TRPC4AP: variants seen among roughly 807,000 people sequenced by gnomAD.
TRPC4AP encodes the protein short transient receptor potential channel 4-associated protein.
In TRPC4AP, 45 loss-of-function variants were observed where a neutral mutation model predicts 99.0. The ratio of observed to expected loss-of-function variants is 0.45; its 90% confidence interval spans 0.36 to 0.58. The LOEUF (loss-of-function observed/expected upper bound fraction) is 0.58. Among genes scored for constraint, TRPC4AP ranks in the 20% least tolerant of loss-of-function variants. The pLI is 0.00. For missense variants in TRPC4AP, 879 were observed against 985.3 expected, an observed-to-expected ratio of 0.89 and a Z score of 1.44; for synonymous variants, 408 against 385.8, an observed-to-expected ratio of 1.06 and a Z score of -0.67.
Position 35,030,741 on chromosome 20 carries a change from C to T in TRPC4AP, c.1051+4382G>A, listed in dbSNP as rs572343134. On this transcript the variant is annotated intron_variant, in intron 8 of 18. Transcript: ENST00000252015. Reference sequence around the variant, plus strand: ...GTACAGTTATTGCAAAATATGTTTCCATATGTTATAGGTTCAACAATATAA... The same window carrying T: ...GTACAGTTATTGCAAAATATGTTTCTATATGTTATAGGTTCAACAATATAA... Among the ~76,000 whole-genome samples, 4 of 152,258 alleles carry T rather than the reference C, an allele frequency of 2.6e-5. No individual in the cohort carries two copies. In the East Asian group the frequency reaches 7.7e-4, roughly 29 times the overall value.
At chr20:35,059,859 A>G (rs947911577) in intron 3 of TRPC4AP, among the ~76,000 whole-genome samples, 10 of 145,942 alleles carry the variant, frequency 6.9e-5, no homozygotes, top group Non-Finnish European at 1.5e-4. Context: ...ATGAAGATGA[A>G]GAAAAGATGA....
Position 35,007,653 on chromosome 20 carries a change from T to C in TRPC4AP, c.1596-13A>G. On this transcript the variant is annotated splice_polypyrimidine_tract_variant and intron_variant, in intron 13 of 18. Coordinates refer to ENST00000252015, the MANE Select transcript of TRPC4AP (RefSeq NM_015638.3). ...AGCTTGCCAAAACCTGCGACCCAAA[T>C]ACTGGCTCAGGTGGCTAAGGCTGCC... The C allele has an allele frequency of 6.2e-7, 1 of 1,614,166 alleles. No individual in the cohort carries two copies. The highest frequency in any genetic ancestry group is 8.5e-7 in the Non-Finnish European group (1 of 1,179,980).
intron 2 of TRPC4AP, among the ~76,000 whole-genome samples, chr20:35,076,135 T>C (rs1245800897): frequency 6.6e-6 from 1 of 152,196 alleles, no homozygotes; most frequent in Non-Finnish European, 1.5e-5. Context: ...TTTTCTATGC[T>C]GTTTATTCTA....
intron 4 of TRPC4AP, among the ~76,000 whole-genome samples, chr20:35,055,493 T>C (rs17319032): frequency 0.19 from 28,201 of 152,230 alleles, 2,698 homozygotes; most frequent in Middle Eastern, 0.34. Flanking sequence ...ACTACTAGAA[T>C]CTAAAGTATA....
intron 17 of TRPC4AP, among the ~76,000 whole-genome samples, chr20:35,004,206 C>G (rs964727241): frequency 2.0e-5 from 3 of 152,176 alleles, no homozygotes; most frequent in Non-Finnish European, 4.4e-5. Context: ...GTGTGAGGGA[C>G]GTGGACATGG....
At chr20:35,071,113 T>C (rs952831487) in intron 2 of TRPC4AP, among the ~76,000 whole-genome samples, 2 of 152,202 alleles carry the variant, frequency 1.3e-5, no homozygotes, top group African/African-American at 2.4e-5. Flanking sequence ...ATTCAAAATA[T>C]GAAAATGTCT....
intron 1 of TRPC4AP, among the ~76,000 whole-genome samples, chr20:35,083,589 G>A (rs2084708368): frequency 6.7e-6 from 1 of 148,654 alleles, no homozygotes; most frequent in Admixed American, 6.8e-5. Flanking sequence ...CAATCTGGGA[G>A]ACAGAGCGAG....
intron 1 of TRPC4AP, among the ~76,000 whole-genome samples, chr20:35,087,787 G>A (rs548307701): frequency 6.6e-6 from 1 of 152,280 alleles, no homozygotes; most frequent in South Asian, 2.1e-4. Flanking sequence ...TTATTGCCTT[G>A]ACAGAGGGCA....
intron 9 of TRPC4AP, among the ~76,000 whole-genome samples, chr20:35,020,647 C>A (rs1401167861): frequency 2.0e-5 from 3 of 152,128 alleles, no homozygotes; most frequent in Non-Finnish European, 4.4e-5. Flanking sequence ...GCGCGGTCTG[C>A]AGGAAAAGGC....
At position 35,008,750 on chromosome 20, in the gene TRPC4AP, G is replaced by C; in HGVS notation, c.1512-3C>G. 1 of 1,613,228 alleles carries C rather than the reference G, an allele frequency of 6.2e-7. No individual in the cohort carries two copies. The highest frequency in any genetic ancestry group is 8.5e-7 in the Non-Finnish European group (1 of 1,179,490). ...TCTTCCCATCACACACCAAACTCCT[G>C]AAATAGAAGAGAGATATTGGTGACA... is the stretch of plus-strand genomic sequence containing the variant. On this transcript the variant is annotated splice_region_variant and splice_polypyrimidine_tract_variant and intron_variant, in intron 12 of 18. Transcript: ENST00000252015.
intron 4 of TRPC4AP, 117 bp from the exon 5 acceptor site, chr20:35,055,148 C>T: frequency 1.2e-6 from 1 of 832,804 alleles, no homozygotes; most frequent in Non-Finnish European, 1.9e-6. Context: ...ATTATTTTTC[C>T]TTTAATATAC....
chr20:35,041,477 T>C (rs2083445172), intron 7 of TRPC4AP, among the ~76,000 whole-genome samples: 1 of 151,750 alleles, frequency 6.6e-6, no homozygotes, highest in Admixed American at 6.6e-5. Context: ...ACACATAGAC[T>C]GTCTACTAGG....
chr20:35,023,047 A>C (rs1019401606), intron 8 of TRPC4AP, among the ~76,000 whole-genome samples: 1 of 151,600 alleles, frequency 6.6e-6, no homozygotes, highest in Admixed American at 6.6e-5. Flanking sequence ...AAAAGAGAGA[A>C]TCTAACTTAC....
At chr20:35,092,468 C>G (rs2085100867) in intron 1 of TRPC4AP, 146 bp downstream of exon 1, 2 of 976,252 alleles carry the variant, frequency 2.0e-6, no homozygotes, top group Admixed American at 8.1e-5. Flanking sequence ...CAGCTGAGAG[C>G]GTCCGGGCAG....
chr20:35,092,539 A>G, intron 1 of TRPC4AP, 75 bp downstream of exon 1: 1 of 1,400,480 alleles, frequency 7.1e-7, no homozygotes, highest in Non-Finnish European at 9.2e-7. Flanking sequence ...GCGGCCTGGA[A>G]AGGCCTCTTC....
At chr20:35,013,179 ATGAGGACT>A (rs2082676864) in intron 10 of TRPC4AP, 113 bp from the exon 11 acceptor site, 1 of 936,414 alleles carries the variant, frequency 1.1e-6, no homozygotes. Context: ...CTCATGTACC[ATGAGGACT>A]TTTCTTTAGT....
Position 35,035,456 on chromosome 20 carries a change from G to A in TRPC4AP, c.866-148C>T, listed in dbSNP as rs191693108. ...TCTTTTAAAATGAATGTCAAACCAA[G>A]GTAAATAGTAATTATGTTACAGGCA... On this transcript the variant is annotated intron_variant, in intron 7 of 18. Transcript: ENST00000252015. 5.6e-6 allele frequency: 5 copies of A among 897,308 alleles called. No individual in the cohort carries two copies. The Admixed American group carries it at 1.6e-4, about 28-fold the overall frequency. 55.6% of individuals were successfully genotyped at this position (897,308 alleles called of 1,614,324 possible).
At chr20:35,015,621 C>A (rs2082736849) in intron 10 of TRPC4AP, among the ~76,000 whole-genome samples, 2 of 151,990 alleles carry the variant, frequency 1.3e-5, no homozygotes, top group African/African-American at 2.4e-5. Context: ...CAACACCATA[C>A]CTGGCCAATT....
Position 35,006,449 on chromosome 20 carries a change from T to C in TRPC4AP, c.1813A>G (p.Asn605Asp). Reference protein sequence around the residue: ...DAFKRFNKYINTDAKFQVFLK... With the variant: ...DAFKRFNKYIDTDAKFQVFLK... ...GTTAACTTTACCTTTGCATCGGTGTTGATATATTTATTGAATCTCTTGAAT... is the reference window on the plus strand; with the variant it reads ...GTTAACTTTACCTTTGCATCGGTGTCGATATATTTATTGAATCTCTTGAAT... Residue 605 changes from asparagine (N) to aspartate (D), a missense_variant, in exon 15 of 19, where the codon AAC becomes GAC. By Grantham distance (23) the Asn-to-Asp change is conservative (BLOSUM62 1). Transcript: ENST00000252015. 1 of 1,614,226 alleles carries C rather than the reference T, an allele frequency of 6.2e-7. No individual in the cohort carries two copies. Among genetic ancestry groups the C allele is most frequent in the Non-Finnish European group, 8.5e-7 (1 of 1,180,024 alleles).
Sources: allele counts gnomAD v4.1 joint callset (sites outside exome capture counted in the v4.1 genomes callset), GRCh38; gene constraint gnomAD v4.1.1; transcripts MANE v1.5; gene names NCBI Gene and HGNC (gene_info 2026-07-23, HGNC 2026-07-21).